Variants in RIMS2 observed in about 807,000 individuals in gnomAD.
RIMS2 encodes regulating synaptic membrane exocytosis 2.
In RIMS2, 59 loss-of-function variants were observed where a neutral mutation model predicts 174.4. The observed-to-expected ratio is 0.34, with a 90% CI of 0.27 to 0.42. The LOEUF (loss-of-function observed/expected upper bound fraction) is 0.42, where lower values mean the gene tolerates loss of function less well. Among genes scored for constraint, RIMS2 ranks in the 10% least tolerant of loss-of-function variants. The pLI, the probability that RIMS2 is intolerant of heterozygous loss-of-function variation, is 1.00. For synonymous variants in RIMS2, 606 were observed against 572.5 expected (o/e 1.06, Z -0.84); for missense variants, 1,620 against 1,666.3 (o/e 0.97, Z 0.48).
At chr8:104,171,048 T>C (rs1173702728) in intron 19 of RIMS2, among the ~76,000 whole-genome samples, 1 of 152,124 alleles carries the variant, frequency 6.6e-6, no homozygotes, top group African/African-American at 2.4e-5. Context: ...TTTTCCTTTA[T>C]AGGTTACCTG....
At chr8:103,601,579 T>C (rs1442074511) in intron 1 of RIMS2, among the ~76,000 whole-genome samples, 1 of 152,152 alleles carries the variant, frequency 6.6e-6, no homozygotes, top group Non-Finnish European at 1.5e-5. Flanking sequence ...AGTGTGTTTC[T>C]TGTAGGCAAC....
intron 2 of RIMS2, among the ~76,000 whole-genome samples, chr8:103,754,629 T>C (rs1036046719): frequency 6.6e-6 from 1 of 152,188 alleles, no homozygotes; most frequent in African/African-American, 2.4e-5. Flanking sequence ...TGAGTATATA[T>C]ATATTTAGGA....
In RIMS2 at chr8:104,222,399, T is replaced by C. The variant is rs115682833; in HGVS notation, c.3335-22517T>C. Among the ~76,000 whole-genome samples the C allele has an allele frequency of 4.6e-3, 694 of 152,346 alleles. 9 individuals are homozygous for C. The highest frequency in any genetic ancestry group is 0.016 in the African/African-American group (651 of 41,584). On this transcript the variant is annotated intron_variant, in intron 19 of 23. Coordinates refer to ENST00000504942, the Ensembl canonical transcript of RIMS2. Reference sequence around the variant, plus strand: ...ATATATACTATCTAGGAACTATTTATTGAATAAATGAACCATTTTAGATTG... The same window carrying C: ...ATATATACTATCTAGGAACTATTTACTGAATAAATGAACCATTTTAGATTG...
intron 19 of RIMS2, among the ~76,000 whole-genome samples, chr8:104,090,744 A>G (rs964777293): frequency 6.6e-6 from 1 of 151,880 alleles, no homozygotes; most frequent in Non-Finnish European, 1.5e-5. Flanking sequence ...GCCTGAGGAC[A>G]TACTAGGAGT....
In RIMS2 at chr8:103,936,640, G is replaced by T; in HGVS notation, c.2465G>T (p.Arg822Ile). Residue 822 changes from arginine (R) to isoleucine (I), a missense_variant, in exon 13 of 24, where the codon AGA becomes ATA. Arg to Ile is a moderately conservative substitution (Grantham distance 97). Coordinates refer to ENST00000504942, the Ensembl canonical transcript of RIMS2. ...TTCATTTATTCTCCAGTCCACCGAA[G>T]AGAATTTCGGGAACGAATGCTAGAG... The T allele has an allele frequency of 1.2e-6, 2 of 1,612,346 alleles. No homozygotes were observed. The highest frequency in any genetic ancestry group is 1.7e-6 in the Non-Finnish European group (2 of 1,179,086).
At chr8:103,615,927 A>G (rs772984480) in intron 1 of RIMS2, among the ~76,000 whole-genome samples, 2 of 152,182 alleles carry the variant, frequency 1.3e-5, no homozygotes, top group African/African-American at 2.4e-5. Flanking sequence ...TTCACAGCCA[A>G]ATTCTACCAG....
At chr8:103,972,244 A>G (rs944242620) in intron 15 of RIMS2, among the ~76,000 whole-genome samples, 4 of 152,096 alleles carry the variant, frequency 2.6e-5, no homozygotes, top group Admixed American at 6.6e-5. Flanking sequence ...CCACCAAACC[A>G]TGTCATTTGA....
At chr8:103,849,575 C>A (rs2098986378) in intron 3 of RIMS2, among the ~76,000 whole-genome samples, 1 of 151,930 alleles carries the variant, frequency 6.6e-6, no homozygotes, top group African/African-American at 2.4e-5. Context: ...GGGTGGCCAA[C>A]TTTGGTATCG....
intron 3 of RIMS2, among the ~76,000 whole-genome samples, chr8:103,803,941 A>G (rs2098632811): frequency 6.6e-6 from 1 of 152,192 alleles, no homozygotes; most frequent in Non-Finnish European, 1.5e-5. Flanking sequence ...GGTCCAGTGG[A>G]CATCTTGATA....
At chr8:104,128,850 A>G (rs2098452050) in intron 19 of RIMS2, among the ~76,000 whole-genome samples, 1 of 152,218 alleles carries the variant, frequency 6.6e-6, no homozygotes, top group South Asian at 2.1e-4. Flanking sequence ...CCTGTTTTAA[A>G]TAGAGTGGCT....
At chr8:103,506,184 T>A (rs1055674810) in intron 1 of RIMS2, among the ~76,000 whole-genome samples, 4 of 152,130 alleles carry the variant, frequency 2.6e-5, no homozygotes, top group African/African-American at 4.8e-5. Flanking sequence ...AAAAATTGAT[T>A]GACATTTTAT....
chr8:104,057,880 C>A (rs2096901673), intron 19 of RIMS2, among the ~76,000 whole-genome samples: 1 of 151,644 alleles, frequency 6.6e-6, no homozygotes, highest in Non-Finnish European at 1.5e-5. Flanking sequence ...CATCCATGTC[C>A]CTACAAAGGA....
At chr8:103,820,119 C>T (rs1160314651) in intron 3 of RIMS2, among the ~76,000 whole-genome samples, 2 of 152,014 alleles carry the variant, frequency 1.3e-5, no homozygotes, top group Admixed American at 6.6e-5. Context: ...TGTGGAACCG[C>T]GAATAATGCT....
intron 1 of RIMS2, among the ~76,000 whole-genome samples, chr8:103,515,328 TCA>T (rs1180752118): frequency 6.6e-6 from 1 of 152,330 alleles, no homozygotes; most frequent in Non-Finnish European, 1.5e-5. Context: ...TAATATACTT[TCA>T]CACAGTTTAT....
intron 2 of RIMS2, among the ~76,000 whole-genome samples, chr8:103,748,267 C>A (rs1396910425): frequency 6.6e-6 from 1 of 151,822 alleles, no homozygotes; most frequent in Non-Finnish European, 1.5e-5. Context: ...CATGGTGAAA[C>A]CCTGTCTCTA....
intron 4 of RIMS2, among the ~76,000 whole-genome samples, chr8:103,893,654 A>G (rs908677446): frequency 6.6e-6 from 1 of 152,112 alleles, no homozygotes; most frequent in African/African-American, 2.4e-5. Flanking sequence ...ATATTTTGTG[A>G]TATGAAAATC....
intron 4 of RIMS2, among the ~76,000 whole-genome samples, chr8:103,898,229 A>G (rs2099302254): frequency 6.6e-6 from 1 of 151,570 alleles, no homozygotes; most frequent in African/African-American, 2.4e-5. Flanking sequence ...TTCTCACCAT[A>G]TAGTGGACCA....
chr8:104,040,851 T>C lies in RIMS2; in HGVS notation c.3334+26236T>C, dbSNP rs1262773804. On this transcript the variant is annotated intron_variant, in intron 19 of 23. Transcript: ENST00000504942. Reference sequence around the variant, plus strand: ...GTTTACTGGGGAAACATAAAAGGAATAGAAATCTGTTGAAACTATTTTTAT... The same window carrying C: ...GTTTACTGGGGAAACATAAAAGGAACAGAAATCTGTTGAAACTATTTTTAT... 5.3e-5 allele frequency among the ~76,000 whole-genome samples: 8 copies of C among 151,730 alleles called. No homozygotes were observed. In the East Asian group the frequency reaches 1.3e-3, roughly 26 times the overall value.
chr8:104,232,118 A>T (rs139380204), intron 19 of RIMS2, among the ~76,000 whole-genome samples: 1 of 152,222 alleles, frequency 6.6e-6, no homozygotes. Context: ...CATGTATTAC[A>T]TATTTGTTAT....
Sources: allele counts gnomAD v4.1 joint callset (sites outside exome capture counted in the v4.1 genomes callset), GRCh38; gene constraint gnomAD v4.1.1; transcripts MANE v1.5; gene names NCBI Gene and HGNC (gene_info 2026-07-23, HGNC 2026-07-21).